Variants in CCDC28A observed in about 807,000 individuals in gnomAD.
CCDC28A encodes coiled-coil domain containing 28A.
A neutral mutation model predicts 22.1 loss-of-function variants in CCDC28A; 24 were observed. The observed-to-expected ratio is 1.09, with a 90% CI of 0.79 to 1.53. The LOEUF (loss-of-function observed/expected upper bound fraction) is 1.53. Ranked by LOEUF, CCDC28A falls within the 40% of genes most tolerant of loss-of-function variation. CCDC28A has a pLI of 0.00. For missense variants in CCDC28A, 170 were observed against 210.7 expected (o/e 0.81, Z 1.20); for synonymous variants, 83 against 74.7 (o/e 1.11, Z -0.57).
At chr6:138,780,606 G>C (rs1429188039) in intron 3 of CCDC28A, among the ~76,000 whole-genome samples, 2 of 144,984 alleles carry the variant, frequency 1.4e-5, no homozygotes, top group Non-Finnish European at 3.0e-5. Flanking sequence ...ACAGAGTCTG[G>C]CTCTGTCGCC....
Position 138,775,813 on chromosome 6 carries a change from G to A in CCDC28A, c.-42-266G>A, listed in dbSNP as rs573343524. On this transcript the variant is annotated intron_variant, in intron 1 of 5. Coordinates refer to ENST00000617445, the MANE Select transcript of CCDC28A (RefSeq NM_015439.3). ...GTACCCACAATAGTGTCTGGCTTGTGGAAGAGAATCAGTAAATATTTGTAG... is the reference window on the plus strand; with the variant it reads ...GTACCCACAATAGTGTCTGGCTTGTAGAAGAGAATCAGTAAATATTTGTAG... Among the ~76,000 whole-genome samples the A allele has an allele frequency of 3.3e-5, 5 of 152,182 alleles. No individual in the cohort carries two copies. The South Asian group carries it at 1.0e-3, about 32-fold the overall frequency.
At position 138,781,899 on chromosome 6, in the gene CCDC28A, A is replaced by G. The variant is rs142479778; in HGVS notation, c.322+1914A>G. On this transcript the variant is annotated intron_variant, in intron 3 of 5. Transcript: ENST00000617445. ...TTTTTGCATTCTCAAACATGTCTGT[A>G]TCTTTTCTTTCAATAGTTGCTGGGT... 1.5e-3 allele frequency among the ~76,000 whole-genome samples: 231 copies of G among 152,316 alleles called. 1 individual carries two copies. Among genetic ancestry groups the G allele is most frequent in the African/African-American group, 5.1e-3 (211 of 41,582 alleles).
chr6:138,788,324 TC>T (rs1341998239), intron 4 of CCDC28A, 41 bp from the exon 5 acceptor site: 1 of 717,984 alleles, frequency 1.4e-6, no homozygotes, highest in Non-Finnish European at 2.2e-6. Context: ...TTTATATTGA[TC>T]TTATAAAAAT....
chr6:138,778,799 G>A (rs1248277038), intron 2 of CCDC28A, among the ~76,000 whole-genome samples: 4 of 147,404 alleles, frequency 2.7e-5, no homozygotes, highest in African/African-American at 7.6e-5. Context: ...ACGGAGTCTC[G>A]CTCTGTCACC....
chr6:138,792,683 T>C, intron 5 of CCDC28A, 66 bp from the exon 6 acceptor site: 1 of 999,352 alleles, frequency 1.0e-6, no homozygotes, highest in Non-Finnish European at 1.6e-6. Context: ...CTCCTGAATG[T>C]AATTTTCAGA....
At chr6:138,791,037 A>G (rs1775161883) in intron 5 of CCDC28A, among the ~76,000 whole-genome samples, 1 of 152,184 alleles carries the variant, frequency 6.6e-6, no homozygotes, top group African/African-American at 2.4e-5. Context: ...AGAACATAAA[A>G]TATCTCAATT....
chr6:138,779,764 T>G, intron 2 of CCDC28A, 58 bp from the exon 3 acceptor site: 1 of 1,358,374 alleles, frequency 7.4e-7, no homozygotes, highest in Admixed American at 2.6e-5. Flanking sequence ...CACTAAAAAA[T>G]TAAGCAAAAG....
At chr6:138,787,357 C>T (rs1321155994) in intron 4 of CCDC28A, among the ~76,000 whole-genome samples, 1 of 152,026 alleles carries the variant, frequency 6.6e-6, no homozygotes, top group Non-Finnish European at 1.5e-5. Flanking sequence ...TGGTTCATGC[C>T]CTCCCCAGAC....
chr6:138,774,839 G>A (rs1774902642), intron 1 of CCDC28A, among the ~76,000 whole-genome samples: 1 of 152,250 alleles, frequency 6.6e-6, no homozygotes, highest in Non-Finnish European at 1.5e-5. Flanking sequence ...ACAACCTGAT[G>A]AGGTAGAGAT....
chr6:138,790,363 C>G (rs561364307), intron 5 of CCDC28A, among the ~76,000 whole-genome samples: 11 of 152,322 alleles, frequency 7.2e-5, no homozygotes, highest in African/African-American at 2.6e-4. Context: ...GTTGGCCAGG[C>G]TGGTCTTGAA....
Position 138,776,151 on chromosome 6 carries a change from C to T in CCDC28A, c.31C>T (p.Pro11Ser), listed in dbSNP as rs1774927889. 6.2e-7 allele frequency: 1 copy of T among 1,613,906 alleles called. No individual in the cohort carries two copies. Among genetic ancestry groups the T allele is most frequent in the Middle Eastern group, 1.6e-4 (1 of 6,062 alleles). ...AGAGCGGAAAGTGAAGAGGAGGAGTCCTAAGTCTTTTAGTGCCCACTGTAC... is the reference window on the plus strand; with the variant it reads ...AGAGCGGAAAGTGAAGAGGAGGAGTTCTAAGTCTTTTAGTGCCCACTGTAC... MEERKVKRRS[P>S]KSFSAHCTQV... Residue 11 changes from proline to serine, a missense_variant, in exon 2 of 6, where the codon CCT becomes TCT. Coordinates refer to ENST00000617445, the MANE Select transcript of CCDC28A (RefSeq NM_015439.3).
At chr6:138,782,123 T>C (rs559768764) in intron 3 of CCDC28A, among the ~76,000 whole-genome samples, 3 of 152,254 alleles carry the variant, frequency 2.0e-5, no homozygotes, top group Non-Finnish European at 4.4e-5. Context: ...CACTTCCACG[T>C]CTTTGCTTTT....
intron 5 of CCDC28A, among the ~76,000 whole-genome samples, chr6:138,789,849 A>T (rs955704247): frequency 6.6e-6 from 1 of 152,184 alleles, no homozygotes; most frequent in Non-Finnish European, 1.5e-5. Context: ...ATTAATAGCT[A>T]ATCTTCATGA....
chr6:138,778,470 A>G lies in CCDC28A; in HGVS notation c.159-1352A>G, dbSNP rs1025136226. ...GTGCGCATAACATCATCACTCAACT[A>G]TTTGAGAGCCTGGTATATGCCAGAC... On this transcript the variant is annotated intron_variant, in intron 2 of 5. Coordinates refer to ENST00000617445, the MANE Select transcript of CCDC28A (RefSeq NM_015439.3). 2.0e-5 allele frequency among the ~76,000 whole-genome samples: 3 copies of G among 152,072 alleles called. No individual in the cohort carries two copies. The East Asian group carries it at 5.8e-4, about 29-fold the overall frequency.
intron 2 of CCDC28A, among the ~76,000 whole-genome samples, chr6:138,778,086 T>C (rs574488576): frequency 1.3e-5 from 2 of 152,332 alleles, no homozygotes; most frequent in East Asian, 3.9e-4. Context: ...AGAACTGTTA[T>C]TGACCTACTG....
At chr6:138,778,317 T>C (rs1242571266) in intron 2 of CCDC28A, among the ~76,000 whole-genome samples, 1 of 152,230 alleles carries the variant, frequency 6.6e-6, no homozygotes, top group Non-Finnish European at 1.5e-5. Context: ...GATAAATTAC[T>C]CTTTCTCCCA....
chr6:138,782,064 C>T (rs1190424976), intron 3 of CCDC28A, among the ~76,000 whole-genome samples: 1 of 152,130 alleles, frequency 6.6e-6, no homozygotes, highest in Admixed American at 6.6e-5. Context: ...ATTTTCACTT[C>T]CCCTCTCTTC....
intron 5 of CCDC28A, among the ~76,000 whole-genome samples, chr6:138,791,671 G>A (rs748634132): frequency 2.2e-4 from 34 of 152,272 alleles, no homozygotes; most frequent in Non-Finnish European, 4.6e-4. Flanking sequence ...CCTACCTAGA[G>A]TTACTCTCAC....
At chr6:138,785,678 A>T (rs1241119042) in intron 4 of CCDC28A, among the ~76,000 whole-genome samples, 2 of 152,136 alleles carry the variant, frequency 1.3e-5, no homozygotes, top group Non-Finnish European at 2.9e-5. Flanking sequence ...GGATTATTTT[A>T]CTTAATGTTC....
Sources: allele counts gnomAD v4.1 joint callset (sites outside exome capture counted in the v4.1 genomes callset), GRCh38; gene constraint gnomAD v4.1.1; transcripts MANE v1.5; gene names NCBI Gene and HGNC (gene_info 2026-07-23, HGNC 2026-07-21).